Variants in SNX29 observed in about 807,000 individuals in gnomAD.
SNX29 encodes sorting nexin-29.
In SNX29, 78 loss-of-function variants were observed where a neutral mutation model predicts 102.1. The ratio of observed to expected loss-of-function variants is 0.76; its 90% CI spans 0.64 to 0.92. The LOEUF (loss-of-function observed/expected upper bound fraction) is 0.92, where lower values mean the gene tolerates loss of function less well. Among genes scored for constraint, SNX29 ranks in the 40% least tolerant of loss-of-function variants. The pLI is 0.00. For missense variants in SNX29, 1,280 were observed against 1,061.7 expected, an observed-to-expected ratio of 1.21 and a Z score of -2.86; for synonymous variants, 580 against 414.5, an observed-to-expected ratio of 1.40 and a Z score of -4.85.
intron 19 of SNX29, among the ~76,000 whole-genome samples, chr16:12,485,428 C>G (rs185049334): frequency 6.6e-6 from 1 of 152,348 alleles, no homozygotes; most frequent in Non-Finnish European, 1.5e-5. Flanking sequence ...CAAGGCAAAT[C>G]ACTTTCCCTG....
intron 7 of SNX29, among the ~76,000 whole-genome samples, chr16:12,050,042 C>T (rs1446428276): frequency 1.3e-5 from 2 of 152,222 alleles, no homozygotes; most frequent in Non-Finnish European, 2.9e-5. Flanking sequence ...CTTTGGTACA[C>T]AGTGGCCTTG....
At chr16:12,436,877 T>A (rs2085563425) in intron 18 of SNX29, among the ~76,000 whole-genome samples, 1 of 152,258 alleles carries the variant, frequency 6.6e-6, no homozygotes, top group Admixed American at 6.5e-5. Context: ...GGTTTCGAAC[T>A]ACTGGCCTCA....
At chr16:12,427,013 A>T (rs770078052) in intron 18 of SNX29, among the ~76,000 whole-genome samples, 1 of 152,224 alleles carries the variant, frequency 6.6e-6, no homozygotes, top group African/African-American at 2.4e-5. Flanking sequence ...TTTATTATAT[A>T]TGCCAGAATG....
At chr16:12,110,615 G>A (rs905952342) in intron 11 of SNX29, among the ~76,000 whole-genome samples, 1 of 152,118 alleles carries the variant, frequency 6.6e-6, no homozygotes, top group African/African-American at 2.4e-5. Flanking sequence ...GGCTTGCGGT[G>A]AGACAAACGC....
At position 12,569,036 on chromosome 16, in the gene SNX29, C is replaced by T. The variant is rs1475088328; in HGVS notation, c.*407C>T. On this transcript the variant is annotated 3_prime_UTR_variant, in exon 21 of 21. Coordinates refer to ENST00000566228, the MANE Select transcript of SNX29 (RefSeq NM_032167.5). ...TGCAGAGCCAGCCTCTCCACTCTTT[C>T]CCACGTGGGGACTAGAATGACTATT... 8.5e-6 allele frequency: 2 copies of T among 236,056 alleles called. No individual in the cohort carries two copies. Among genetic ancestry groups the T allele is most frequent in the Admixed American group, 5.8e-5 (1 of 17,180 alleles). The allele number at this position is 236,056 out of a possible 1,614,324, so 14.6% of individuals were successfully genotyped here. A position where few individuals can be genotyped will look rare whatever the true frequency, so the allele number is the denominator to read the frequency against.
intron 18 of SNX29, among the ~76,000 whole-genome samples, chr16:12,456,672 T>G (rs2086553906): frequency 6.6e-6 from 1 of 152,028 alleles, no homozygotes; most frequent in Non-Finnish European, 1.5e-5. Flanking sequence ...GTGTGAGTAC[T>G]TGATAGTGTG....
intron 20 of SNX29, among the ~76,000 whole-genome samples, chr16:12,551,926 C>T (rs903102454): frequency 6.6e-6 from 1 of 152,174 alleles, no homozygotes; most frequent in Admixed American, 6.5e-5. Context: ...CCACACAGAG[C>T]CACTGTGAGG....
chr16:12,099,518 C>G (rs982290034), intron 11 of SNX29, among the ~76,000 whole-genome samples: 1 of 152,216 alleles, frequency 6.6e-6, no homozygotes, highest in African/African-American at 2.4e-5. Flanking sequence ...GCTCCAGGGA[C>G]AGGAGCAGAT....
At chr16:12,522,937 T>C (rs567559648) in intron 19 of SNX29, among the ~76,000 whole-genome samples, 285 of 152,316 alleles carry the variant, frequency 1.9e-3, no homozygotes, top group Non-Finnish European at 3.4e-3. Context: ...CAGCCACCCA[T>C]GTAGCTGGGA....
intron 15 of SNX29, among the ~76,000 whole-genome samples, chr16:12,303,002 T>G (rs1214265667): frequency 6.6e-6 from 1 of 152,228 alleles, no homozygotes. Flanking sequence ...CCAAAGGTCA[T>G]GTGATCTGGC....
intron 19 of SNX29, among the ~76,000 whole-genome samples, chr16:12,502,223 G>A (rs1381573615): frequency 2.0e-5 from 3 of 152,166 alleles, no homozygotes; most frequent in South Asian, 2.1e-4. Flanking sequence ...TGGCAGTGAG[G>A]GGCGGTGGAG....
At chr16:12,343,661 G>A (rs1265401312) in intron 15 of SNX29, among the ~76,000 whole-genome samples, 2 of 148,688 alleles carry the variant, frequency 1.3e-5, no homozygotes, top group East Asian at 2.0e-4. Flanking sequence ...TGGCCACTTT[G>A]TCTGAGAACC....
At chr16:12,097,191 C>CA (rs1188760653) in intron 11 of SNX29, among the ~76,000 whole-genome samples, 1 of 152,234 alleles carries the variant, frequency 6.6e-6, no homozygotes, top group Non-Finnish European at 1.5e-5. Flanking sequence ...CCCGTTAACT[C>CA]ACGCATGTCT....
chr16:12,397,662 A>C (rs1209352773), intron 16 of SNX29, among the ~76,000 whole-genome samples: 1 of 152,222 alleles, frequency 6.6e-6, no homozygotes, highest in Non-Finnish European at 1.5e-5. Flanking sequence ...CCTGGGTATG[A>C]GAAAAATATC....
chr16:12,113,849 C>G (rs187230710), intron 11 of SNX29, among the ~76,000 whole-genome samples: 1 of 152,208 alleles, frequency 6.6e-6, no homozygotes, highest in Non-Finnish European at 1.5e-5. Context: ...CATTCACTTG[C>G]AGGAGCCAGA....
At chr16:12,164,565 A>AGG (rs766507347) in intron 13 of SNX29, among the ~76,000 whole-genome samples, 2 of 152,036 alleles carry the variant, frequency 1.3e-5, no homozygotes, top group Non-Finnish European at 2.9e-5. Context: ...TCACTTTGAA[A>AGG]GGGGCCATAC....
At chr16:12,292,280 C>CT (rs936651694) in intron 15 of SNX29, among the ~76,000 whole-genome samples, 28 of 152,128 alleles carry the variant, frequency 1.8e-4, no homozygotes, top group Non-Finnish European at 1.3e-4. Flanking sequence ...TCCATAGTTC[C>CT]TTTTTTAGCA....
chr16:12,520,718 G>C (rs2090065089), intron 19 of SNX29, among the ~76,000 whole-genome samples: 1 of 152,202 alleles, frequency 6.6e-6, no homozygotes, highest in Non-Finnish European at 1.5e-5. Context: ...AATCCCGTGT[G>C]TTCTCACTTA....
rs2052753524 is a variant in SNX29 at position 12,096,055 on chromosome 16, TTCATG to T, written c.1402+17141_1402+17145del. 6.6e-6 allele frequency among the ~76,000 whole-genome samples: 1 copy of T among 152,236 alleles called. No homozygotes were observed. The highest frequency in any genetic ancestry group is 1.5e-5 in the Non-Finnish European group (1 of 68,046). ...GCCAGCTGCTTGCTTGGCTAAGGGCTTCATGATAAAATTTTAGGATGAGATGGTGG... is the reference window on the plus strand; with the variant it reads ...GCCAGCTGCTTGCTTGGCTAAGGGCTATAAAATTTTAGGATGAGATGGTGG... On this transcript the variant is annotated intron_variant, in intron 11 of 20. Coordinates refer to ENST00000566228, the MANE Select transcript of SNX29 (RefSeq NM_032167.5). This position sits in a 1 kb window ranked among gnomAD's most constrained non-coding sequence, Gnocchi z 4.2.
Sources: allele counts gnomAD v4.1 joint callset (sites outside exome capture counted in the v4.1 genomes callset), GRCh38; gene constraint gnomAD v4.1.1; non-coding constraint Gnocchi (gnomAD v3.1); transcripts MANE v1.5; gene names NCBI Gene and HGNC (gene_info 2026-07-23, HGNC 2026-07-21).